GRID2: variants seen among roughly 807,000 people sequenced by gnomAD.
GRID2 encodes glutamate receptor ionotropic, delta-2.
In GRID2, 33 loss-of-function variants were observed where a neutral mutation model predicts 114.8. The ratio of observed to expected loss-of-function variants is 0.29; its 90% CI spans 0.22 to 0.38. The LOEUF (loss-of-function observed/expected upper bound fraction) is 0.38, where lower values mean the gene tolerates loss of function less well. Ranked by LOEUF, GRID2 falls within the 10% of genes least tolerant of loss-of-function variation. The probability of loss-of-function intolerance (pLI) is 1.00; values close to 1 mark genes in which losing one functional copy is unlikely to be tolerated. For missense variants in GRID2, 1,184 were observed against 1,257.7 expected (o/e 0.94, Z 0.89); for synonymous variants, 505 against 449.9 (o/e 1.12, Z -1.55).
At chr4:93,212,162 C>T (rs562784129) in intron 5 of GRID2, among the ~76,000 whole-genome samples, 6 of 152,014 alleles carry the variant, frequency 3.9e-5, no homozygotes, top group Non-Finnish European at 8.8e-5. Flanking sequence ...TTTGGCTGAA[C>T]GTGGAGAACA....
intron 1 of GRID2, among the ~76,000 whole-genome samples, chr4:92,361,226 C>A (rs1728604028): frequency 6.6e-6 from 1 of 151,930 alleles, no homozygotes; most frequent in South Asian, 2.1e-4. Flanking sequence ...GATATCAGAG[C>A]CATAACTTAA....
chr4:93,307,647 C>T (rs1033041287), intron 8 of GRID2, among the ~76,000 whole-genome samples: 3 of 152,178 alleles, frequency 2.0e-5, no homozygotes, highest in East Asian at 1.9e-4. Flanking sequence ...TTTTAATTCT[C>T]CCTCCTCTCA....
intron 9 of GRID2, among the ~76,000 whole-genome samples, chr4:93,396,121 A>G (rs1765308444): frequency 6.6e-6 from 1 of 152,028 alleles, no homozygotes; most frequent in African/African-American, 2.4e-5. Flanking sequence ...TACATTCTCT[A>G]ATAGTGAAAT....
At chr4:93,464,414 T>G (rs2149424922) in intron 11 of GRID2, among the ~76,000 whole-genome samples, 1 of 152,280 alleles carries the variant, frequency 6.6e-6, no homozygotes, top group Admixed American at 6.5e-5. Context: ...TGTTAGCATT[T>G]AGCCTAGCTC....
At chr4:93,071,119 T>C (rs1405621447) in intron 2 of GRID2, among the ~76,000 whole-genome samples, 1 of 152,142 alleles carries the variant, frequency 6.6e-6, no homozygotes, top group African/African-American at 2.4e-5. Flanking sequence ...GCAGATTCTT[T>C]CCACTCTCTT....
chr4:93,194,942 A>G (rs76930602), intron 4 of GRID2, among the ~76,000 whole-genome samples: 8,486 of 152,240 alleles, frequency 0.056, 686 homozygotes, highest in African/African-American at 0.18. Context: ...GATGTAAACA[A>G]TACTCAAATA....
chr4:92,673,241 T>G (rs1733164277), intron 2 of GRID2, among the ~76,000 whole-genome samples: 3 of 152,194 alleles, frequency 2.0e-5, no homozygotes, highest in African/African-American at 7.2e-5. Flanking sequence ...ACTTACTATA[T>G]TCAATCTTTT....
Position 93,771,322 on chromosome 4 carries a change from G to T in GRID2, c.2602-754G>T, listed in dbSNP as rs551116287. Among the ~76,000 whole-genome samples, 16 of 152,220 alleles carry T rather than the reference G, an allele frequency of 1.1e-4. 1 individual carries two copies. Among genetic ancestry groups the T allele is most frequent in the African/African-American group, 3.9e-4 (16 of 41,522 alleles). On this transcript the variant is annotated intron_variant, in intron 15 of 15. Transcript: ENST00000282020. ...CTGCCTTCTTACCAAGACGCCATTA[G>T]CATAGCTTAAAACGTCTTTGGTTTT...
chr4:92,966,943 G>A lies in GRID2; in HGVS notation c.245-118052G>A, dbSNP rs527767479. 3.9e-5 allele frequency among the ~76,000 whole-genome samples: 6 copies of A among 151,996 alleles called. No individual in the cohort carries two copies. The East Asian group carries it at 1.2e-3, about 29-fold the overall frequency. ...ATGATTATGAGGTTGATCTGATATA[G>A]GCACCGTTGTCATGATCATTTTCGG... On this transcript the variant is annotated intron_variant, in intron 2 of 15. Coordinates refer to ENST00000282020, the MANE Select transcript of GRID2 (RefSeq NM_001510.4).
In GRID2 at chr4:93,308,503, G is replaced by A. The variant is rs139099591; in HGVS notation, c.1245+70013G>A. On this transcript the variant is annotated intron_variant, in intron 8 of 15. Transcript: ENST00000282020. ...TGTTACACAAATTGTAAACTCAGTC[G>A]AAGTGAGCTTCGGCTGCAGGTTCAA... Among the ~76,000 whole-genome samples, 29 of 152,218 alleles carry A rather than the reference G, an allele frequency of 1.9e-4. No homozygotes were observed. In the East Asian group the frequency reaches 4.8e-3, roughly 25 times the overall value.
chr4:92,958,344 T>G (rs1162388671), intron 2 of GRID2, among the ~76,000 whole-genome samples: 1 of 152,044 alleles, frequency 6.6e-6, no homozygotes, highest in Non-Finnish European at 1.5e-5. Flanking sequence ...GATTTTATGA[T>G]GAATGACTGA....
At chr4:93,044,484 T>C (rs1426534287) in intron 2 of GRID2, among the ~76,000 whole-genome samples, 1 of 152,104 alleles carries the variant, frequency 6.6e-6, no homozygotes, top group Admixed American at 6.6e-5. Context: ...TTTTAAAGAA[T>C]GTAGAATAAG....
chr4:93,146,153 T>G lies in GRID2; in HGVS notation c.735+35200T>G, dbSNP rs1343787701. Among the ~76,000 whole-genome samples, 5 of 152,130 alleles carry G rather than the reference T, an allele frequency of 3.3e-5. No individual in the cohort carries two copies. In the East Asian group the frequency reaches 9.7e-4, roughly 29 times the overall value. On this transcript the variant is annotated intron_variant, in intron 4 of 15. Coordinates refer to ENST00000282020, the MANE Select transcript of GRID2 (RefSeq NM_001510.4). ...TAAGACTAAATATTTTAATTCCACATTTCCCCTATGTCAGGGAAACCACCT... is the reference window on the plus strand; with the variant it reads ...TAAGACTAAATATTTTAATTCCACAGTTCCCCTATGTCAGGGAAACCACCT...
chr4:93,466,374 A>C (rs1316919118), intron 11 of GRID2, among the ~76,000 whole-genome samples: 1 of 152,176 alleles, frequency 6.6e-6, no homozygotes, highest in East Asian at 1.9e-4. Context: ...GGCAAGACAG[A>C]GGTAGAAGAA....
chr4:93,602,452 A>G (rs754404481), intron 13 of GRID2, among the ~76,000 whole-genome samples: 5 of 152,168 alleles, frequency 3.3e-5, no homozygotes, highest in African/African-American at 4.8e-5. Context: ...TATTGATGCC[A>G]TTTTTCCCAA....
chr4:92,491,090 A>T (rs1261515882), intron 1 of GRID2, among the ~76,000 whole-genome samples: 1 of 152,144 alleles, frequency 6.6e-6, no homozygotes, highest in East Asian at 1.9e-4. Context: ...TGTAGATCTT[A>T]TATATCACTG....
intron 8 of GRID2, among the ~76,000 whole-genome samples, chr4:93,349,268 G>A (rs562849780): frequency 1.3e-5 from 2 of 152,070 alleles, no homozygotes; most frequent in African/African-American, 4.8e-5. Flanking sequence ...TGCGTAGTTT[G>A]CCATCTACTC....
intron 8 of GRID2, among the ~76,000 whole-genome samples, chr4:93,301,887 A>T (rs1293016707): frequency 6.6e-6 from 1 of 152,196 alleles, no homozygotes; most frequent in Non-Finnish European, 1.5e-5. Context: ...ATGATAAAAT[A>T]AAAATAAAAC....
intron 1 of GRID2, among the ~76,000 whole-genome samples, chr4:92,459,730 C>T (rs1234869141): frequency 6.6e-6 from 1 of 151,580 alleles, no homozygotes; most frequent in Non-Finnish European, 1.5e-5. Flanking sequence ...GTCAAGATAC[C>T]CAAGTGTTTA....
Sources: gnomAD v4.1 joint callset for allele counts (sites outside exome capture counted in the v4.1 genomes callset) on GRCh38, gnomAD v4.1.1 for gene constraint, MANE v1.5 for transcripts, NCBI Gene and HGNC (gene_info 2026-07-23, HGNC 2026-07-21) for gene names.